Variants in CDK15 observed in about 807,000 individuals in gnomAD.
The protein encoded by CDK15 is cyclin-dependent kinase 15.
In CDK15, 62 loss-of-function variants were observed where a neutral mutation model predicts 60.3. The observed-to-expected ratio is 1.03, with a 90% CI of 0.84 to 1.27. The LOEUF (loss-of-function observed/expected upper bound fraction) is 1.27. CDK15 is among the 50% of genes most tolerant of loss of function. CDK15 has a pLI of 0.00. For missense variants in CDK15, 541 were observed against 527.8 expected, an observed-to-expected ratio of 1.03 and a Z score of -0.25; for synonymous variants, 194 against 195.7, an observed-to-expected ratio of 0.99 and a Z score of 0.07.
chr2:201,828,166 A>G (rs928049577), intron 6 of CDK15, among the ~76,000 whole-genome samples: 1 of 152,228 alleles, frequency 6.6e-6, no homozygotes, highest in Non-Finnish European at 1.5e-5. Context: ...CCTGTTTCAG[A>G]CGTGTTGAGG....
chr2:201,851,127 A>G (rs1697887257), intron 9 of CDK15, among the ~76,000 whole-genome samples: 3 of 151,970 alleles, frequency 2.0e-5, no homozygotes, highest in Admixed American at 6.6e-5. Context: ...CCCCATCTCT[A>G]CTAAAAATAC....
chr2:201,886,136 C>CT (rs965648551), intron 12 of CDK15, among the ~76,000 whole-genome samples: 3 of 152,106 alleles, frequency 2.0e-5, no homozygotes, highest in Admixed American at 1.3e-4. Context: ...TATTTTAAAG[C>CT]TTTTCTGGGA....
At chr2:201,861,474 T>C in intron 10 of CDK15, 3 of 985,224 alleles carry the variant, frequency 3.0e-6, no homozygotes, top group Non-Finnish European at 3.6e-6. Flanking sequence ...TAAATTATAT[T>C]GAATTGCATC....
chr2:201,864,769 TA>T (rs1698548923), intron 10 of CDK15, among the ~76,000 whole-genome samples: 1 of 152,210 alleles, frequency 6.6e-6, no homozygotes, highest in African/African-American at 2.4e-5. Context: ...GTAATGAGTA[TA>T]AGGTTTTAAC....
At chr2:201,822,540 T>G (rs1246492359) in intron 4 of CDK15, among the ~76,000 whole-genome samples, 1 of 152,346 alleles carries the variant, frequency 6.6e-6, no homozygotes, top group African/African-American at 2.4e-5. Context: ...CTCTGAGTGC[T>G]TTGATGAAAT....
chr2:201,889,917 A>G (rs1699585636), intron 12 of CDK15, among the ~76,000 whole-genome samples: 1 of 151,804 alleles, frequency 6.6e-6, no homozygotes, highest in Admixed American at 6.6e-5. Context: ...AGATGTGGTG[A>G]TGCTTGCCTG....
At chr2:201,875,258 G>A (rs1699032620) in intron 11 of CDK15, among the ~76,000 whole-genome samples, 2 of 152,166 alleles carry the variant, frequency 1.3e-5, no homozygotes, top group African/African-American at 2.4e-5. Context: ...AATGGGGCCT[G>A]TGGCAATTCA....
intron 12 of CDK15, among the ~76,000 whole-genome samples, chr2:201,887,868 C>G (rs1254968494): frequency 2.0e-5 from 3 of 152,102 alleles, no homozygotes; most frequent in African/African-American, 7.2e-5. Context: ...TCTATACATA[C>G]ACATGAGCTA....
At chr2:201,816,078 T>C (rs919897063) in intron 4 of CDK15, among the ~76,000 whole-genome samples, 22 of 152,262 alleles carry the variant, frequency 1.4e-4, no homozygotes, top group African/African-American at 4.8e-4. Context: ...AAATCTGTTT[T>C]TATTATACAT....
chr2:201,854,697 A>G, intron 9 of CDK15, 177 bp from the exon 10 acceptor site: 1 of 595,234 alleles, frequency 1.7e-6, no homozygotes, highest in Non-Finnish European at 3.0e-6. Flanking sequence ...CCAAGAAACC[A>G]CAAACGTTGG....
chr2:201,807,999 C>A, intron 3 of CDK15, 47 bp downstream of exon 3: 1 of 1,501,896 alleles, frequency 6.7e-7, no homozygotes, highest in Non-Finnish European at 9.2e-7. Context: ...AGAGTCCCGC[C>A]CCCCCAATTT....
At chr2:201,860,619 A>G (rs1441711558) in intron 10 of CDK15, 1 of 1,031,686 alleles carries the variant, frequency 9.7e-7, no homozygotes, top group African/African-American at 1.7e-5. Flanking sequence ...ATGAAAATCA[A>G]AAGGCAGGAA....
chr2:201,881,661 AAGG>A (rs1699282383), intron 12 of CDK15, among the ~76,000 whole-genome samples: 1 of 152,148 alleles, frequency 6.6e-6, no homozygotes, highest in Non-Finnish European at 1.5e-5. Flanking sequence ...TGGAATTTGG[AAGG>A]AGGAGAGAGG....
At chr2:201,873,590 C>T (rs1477359665) in intron 11 of CDK15, among the ~76,000 whole-genome samples, 1 of 152,248 alleles carries the variant, frequency 6.6e-6, no homozygotes, top group Non-Finnish European at 1.5e-5. Context: ...TGCTATCACC[C>T]CACCAGCCTT....
chr2:201,883,395 T>A lies in CDK15; in HGVS notation c.1198+3228T>A, dbSNP rs534152288. Among the ~76,000 whole-genome samples, 3 of 152,242 alleles carry A rather than the reference T, an allele frequency of 2.0e-5. No homozygotes were observed. In the South Asian group the frequency reaches 6.2e-4, roughly 32 times the overall value. Reference sequence around the variant, plus strand: ...GAAATTCCACACAAAATGAAAGAATTGTTCCAGTCCATCTCTATTTTCATG... The same window carrying A: ...GAAATTCCACACAAAATGAAAGAATAGTTCCAGTCCATCTCTATTTTCATG... On this transcript the variant is annotated intron_variant, in intron 12 of 13. Transcript: ENST00000652192.
intron 10 of CDK15, among the ~76,000 whole-genome samples, chr2:201,864,210 T>G (rs11894958): frequency 0.22 from 33,310 of 151,992 alleles, 3,894 homozygotes; most frequent in Middle Eastern, 0.26. Context: ...TTTAAGAAAC[T>G]AGGGAAATCT....
At chr2:201,811,651 A>T (rs1177161969) in intron 3 of CDK15, among the ~76,000 whole-genome samples, 1 of 152,236 alleles carries the variant, frequency 6.6e-6, no homozygotes, top group Non-Finnish European at 1.5e-5. Flanking sequence ...AGGGGACAGT[A>T]GGAGGAAATG....
At chr2:201,827,226 G>C (rs751355955) in intron 6 of CDK15, among the ~76,000 whole-genome samples, 1 of 152,134 alleles carries the variant, frequency 6.6e-6, no homozygotes, top group South Asian at 2.1e-4. Flanking sequence ...CAAGAAGATC[G>C]CTTGAACCCA....
chr2:201,845,982 C>G (rs1006991975), intron 8 of CDK15, among the ~76,000 whole-genome samples: 1 of 152,002 alleles, frequency 6.6e-6, no homozygotes, highest in Non-Finnish European at 1.5e-5. Flanking sequence ...CAAAATAAAT[C>G]TTACTCCTTC....
Sources: allele counts gnomAD v4.1 joint callset (sites outside exome capture counted in the v4.1 genomes callset), GRCh38; gene constraint gnomAD v4.1.1; transcripts MANE v1.5; gene names NCBI Gene and HGNC (gene_info 2026-07-23, HGNC 2026-07-21).